Variants in NOTCH2NLC observed in about 807,000 individuals in gnomAD.
The protein encoded by NOTCH2NLC is notch 2 N-terminal like C.
Under a neutral mutation model 17.7 loss-of-function variants are expected in NOTCH2NLC, and 4 were observed. That is an observed-to-expected ratio of 0.23 (90% CI 0.11 to 0.52). NOTCH2NLC has a LOEUF of 0.52. Among genes scored for constraint, NOTCH2NLC ranks in the 20% least tolerant of loss-of-function variants. The pLI, the probability that NOTCH2NLC is intolerant of heterozygous loss-of-function variation, is 0.96. For missense variants in NOTCH2NLC, 57 were observed against 207.2 expected (o/e 0.28, Z 4.45); for synonymous variants, 18 against 86.0 (o/e 0.21, Z 4.38).
intron 1 of NOTCH2NLC, among the ~76,000 whole-genome samples, chr1:149,393,395 G>C (rs1168835887): frequency 2.0e-5 from 3 of 150,848 alleles, no homozygotes; most frequent in African/African-American, 7.3e-5. Flanking sequence ...AAGGCTTCTT[G>C]AATCCTCTTA....
At chr1:149,393,069 CAA>C (rs1158506660) in intron 1 of NOTCH2NLC, among the ~76,000 whole-genome samples, 1,655 of 42,820 alleles carry the variant, frequency 0.039, 14 homozygotes, top group African/African-American at 0.13. Flanking sequence ...GACTCCGTCT[CAA>C]AAAAAAAAAA....
At chr1:149,400,131 T>TATAA (rs1462879745) in intron 1 of NOTCH2NLC, among the ~76,000 whole-genome samples, 1 of 135,002 alleles carries the variant, frequency 7.4e-6, no homozygotes, top group African/African-American at 2.7e-5. Flanking sequence ...TATATATATA[T>TATAA]AATATATATT....
At chr1:149,461,799 G>T (rs1173727589) in intron 3 of NOTCH2NLC, among the ~76,000 whole-genome samples, 1 of 149,920 alleles carries the variant, frequency 6.7e-6, no homozygotes, top group Non-Finnish European at 1.5e-5. Context: ...ATACTATTCA[G>T]CCATAAAAAA....
intron 3 of NOTCH2NLC, among the ~76,000 whole-genome samples, chr1:149,462,833 A>AT (rs878889477): frequency 0.62 from 72,901 of 117,014 alleles, 23,984 homozygotes; most frequent in African/African-American, 0.76. Flanking sequence ...CGGGAAGTTG[A>AT]TTTTTTTTTT....
At chr1:149,430,553 T>A (rs2084442940) in intron 1 of NOTCH2NLC, among the ~76,000 whole-genome samples, 1 of 144,676 alleles carries the variant, frequency 6.9e-6, no homozygotes, top group East Asian at 2.2e-4. Context: ...TGATCTATTA[T>A]TTATCTAGCA....
At chr1:149,400,019 C>T (rs1281642023) in intron 1 of NOTCH2NLC, among the ~76,000 whole-genome samples, 5 of 148,804 alleles carry the variant, frequency 3.4e-5, no homozygotes, top group East Asian at 3.9e-4. Flanking sequence ...TCTAGAAAAG[C>T]GTAAATAAAA....
chr1:149,395,373 C>CTTA (rs2084199273), intron 1 of NOTCH2NLC, among the ~76,000 whole-genome samples: 2 of 132,038 alleles, frequency 1.5e-5, no homozygotes, highest in South Asian at 5.2e-4. Flanking sequence ...TCATGCTTAC[C>CTTA]TTACATTTGG....
In NOTCH2NLC at chr1:149,423,521, A is replaced by C. The variant is rs2101482553; in HGVS notation, c.136-7421A>C. On this transcript the variant is annotated intron_variant, in intron 1 of 4. Coordinates refer to ENST00000650865, the MANE Select transcript of NOTCH2NLC (RefSeq NM_001364013.2). ...TCCTATTTTTGGTAATAATGCAGGC[A>C]GTCATTTTAGAAAACTTTGCTTTGT... Among the ~76,000 whole-genome samples, 3 of 148,712 alleles carry C rather than the reference A, an allele frequency of 2.0e-5. No homozygotes were observed. In the East Asian group the frequency reaches 6.2e-4, roughly 31 times the overall value.
rs2084701371 is a variant in NOTCH2NLC, at chr1:149,468,926, A to C, written c.*4773A>C. Among the ~76,000 whole-genome samples the C allele has an allele frequency of 1.8e-5, 2 of 112,108 alleles. No individual in the cohort carries two copies. The highest frequency in any genetic ancestry group is 9.0e-5 in the Admixed American group (1 of 11,136). The allele number at this position is 112,108 out of a possible 152,430, so 73.5% of individuals were successfully genotyped here. On this transcript the variant is annotated 3_prime_UTR_variant, in exon 5 of 5. Coordinates refer to ENST00000650865, the MANE Select transcript of NOTCH2NLC (RefSeq NM_001364013.2). ...CAGGGATTCCCTCTTGCATTCTCAC[A>C]CTTGGGGGCATGTGTCATTTTCTTT...
intron 3 of NOTCH2NLC, among the ~76,000 whole-genome samples, chr1:149,460,919 CTCTT>C (rs1431463863): frequency 1.6e-5 from 2 of 128,180 alleles, no homozygotes; most frequent in Admixed American, 8.1e-5. Flanking sequence ...TTCTTTCTCT[CTCTT>C]TCTCTCTTTC....
At chr1:149,428,917 G>A (rs2084427688) in intron 1 of NOTCH2NLC, among the ~76,000 whole-genome samples, 1 of 148,900 alleles carries the variant, frequency 6.7e-6, no homozygotes, top group Admixed American at 6.7e-5. Context: ...AAAGTAAATA[G>A]AAAAAACCCC....
At chr1:149,428,950 A>G (rs1199918021) in intron 1 of NOTCH2NLC, among the ~76,000 whole-genome samples, 30 of 148,008 alleles carry the variant, frequency 2.0e-4, no homozygotes, top group African/African-American at 7.4e-4. Flanking sequence ...TGAAACTAAT[A>G]AAAGTGTCTA....
At position 149,437,159 on chromosome 1, in the gene NOTCH2NLC, G is replaced by A. The variant is rs1237610066; in HGVS notation, c.209+6144G>A. On this transcript the variant is annotated intron_variant, in intron 2 of 4. Transcript: ENST00000650865. ...AAAACTGACTATAATGTGGCCTTCT[G>A]TACAGGGGCTGCCAGTGAATGGCAG... Among the ~76,000 whole-genome samples the A allele has an allele frequency of 5.7e-4, 83 of 144,838 alleles. 5 individuals carry two copies. The highest frequency in any genetic ancestry group is 1.1e-3 in the Non-Finnish European group (74 of 65,876).
At position 149,470,424 on chromosome 1, in the gene NOTCH2NLC, A is replaced by G. The variant is rs1215963561; in HGVS notation, c.*6271A>G. Among the ~76,000 whole-genome samples, 1 of 150,546 alleles carries G rather than the reference A, an allele frequency of 6.6e-6. No homozygotes were observed. The highest frequency in any genetic ancestry group is 2.0e-4 in the East Asian group (1 of 5,120). On this transcript the variant is annotated 3_prime_UTR_variant, in exon 5 of 5. Coordinates refer to ENST00000650865, the MANE Select transcript of NOTCH2NLC (RefSeq NM_001364013.2). ...AGTAACCATCACCACAGTCAATTCT[A>G]GAATATTTTTATACATCAGAAGAAA...
At chr1:149,402,406 A>AT (rs1207003593) in intron 1 of NOTCH2NLC, among the ~76,000 whole-genome samples, 4 of 141,612 alleles carry the variant, frequency 2.8e-5, no homozygotes, top group African/African-American at 5.2e-5. Context: ...TAAACATCAG[A>AT]TTTTTTTTTC....
At chr1:149,417,129 A>G (rs1570905368) in intron 1 of NOTCH2NLC, among the ~76,000 whole-genome samples, 2 of 30,946 alleles carry the variant, frequency 6.5e-5, no homozygotes, top group East Asian at 9.3e-4. Context: ...TTTTTTTTTG[A>G]GACAGAGTCT....
chr1:149,413,353 G>A (rs1244044211), intron 1 of NOTCH2NLC, among the ~76,000 whole-genome samples: 9 of 151,210 alleles, frequency 6.0e-5, no homozygotes, highest in East Asian at 2.0e-4. Flanking sequence ...CAGGGATGTC[G>A]GTGAAACCTG....
rs1385599601 is a variant in NOTCH2NLC, at chr1:149,450,938, CTG to C, written c.210-4379_210-4378del. ...GGATAGAGAGATGACTTCTAGAAAA[CTG>C]AACATATGGGACTGGAACAGTGTAT... is the stretch of plus-strand genomic sequence containing the variant. On this transcript the variant is annotated intron_variant, in intron 2 of 4. Coordinates refer to ENST00000650865, the MANE Select transcript of NOTCH2NLC (RefSeq NM_001364013.2). Among the ~76,000 whole-genome samples the C allele has an allele frequency of 3.5e-3, 383 of 110,934 alleles. 3 individuals carry two copies. The highest frequency in any genetic ancestry group is 6.0e-3 in the Non-Finnish European group (312 of 52,152). The allele number at this position is 110,934 out of a possible 152,430, so 72.8% of individuals were successfully genotyped here. A position where few individuals can be genotyped will look rare whatever the true frequency, so the allele number is the denominator to read the frequency against.
intron 1 of NOTCH2NLC, among the ~76,000 whole-genome samples, chr1:149,423,170 A>G (rs1243074159): frequency 6.8e-6 from 1 of 147,632 alleles, no homozygotes; most frequent in Non-Finnish European, 1.5e-5. Flanking sequence ...CTATATGATA[A>G]TATCTGTAAA....
Sources: allele counts gnomAD v4.1 joint callset (sites outside exome capture counted in the v4.1 genomes callset), GRCh38; gene constraint gnomAD v4.1.1; transcripts MANE v1.5; gene names NCBI Gene and HGNC (gene_info 2026-07-23, HGNC 2026-07-21).